MEGF11: variants seen among roughly 807,000 people sequenced by gnomAD.
MEGF11 encodes the protein multiple epidermal growth factor-like domains protein 11.
In MEGF11, 126 loss-of-function variants were observed where a neutral mutation model predicts 146.6. The ratio of observed to expected loss-of-function variants is 0.86; its 90% confidence interval spans 0.74 to 1.00. The LOEUF is 1.00. Ranked by LOEUF, MEGF11 falls within the 50% of genes least tolerant of loss-of-function variation. MEGF11 has a pLI of 0.00. For synonymous variants in MEGF11, 532 were observed against 583.4 expected, an observed-to-expected ratio of 0.91 and a Z score of 1.27; for missense variants, 1,509 against 1,521.2, an observed-to-expected ratio of 0.99 and a Z score of 0.13.
At chr15:65,989,258 C>G (rs2081961034) in intron 5 of MEGF11, among the ~76,000 whole-genome samples, 1 of 152,122 alleles carries the variant, frequency 6.6e-6, no homozygotes, top group African/African-American at 2.4e-5. Context: ...TGAGACCCAG[C>G]AAGCAGGAGG....
intron 5 of MEGF11, among the ~76,000 whole-genome samples, chr15:66,030,854 AC>A (rs1460701353): frequency 3.3e-5 from 5 of 152,238 alleles, no homozygotes; most frequent in African/African-American, 1.2e-4. Flanking sequence ...ATTACTGCTA[AC>A]GAGCATTACA....
At chr15:66,158,497 T>A (rs2089843467) in intron 1 of MEGF11, among the ~76,000 whole-genome samples, 1 of 152,204 alleles carries the variant, frequency 6.6e-6, no homozygotes, top group African/African-American at 2.4e-5. Context: ...CAGAAATGCC[T>A]GCTTGCCTTA....
intron 5 of MEGF11, among the ~76,000 whole-genome samples, chr15:66,019,675 G>A (rs569942890): frequency 6.6e-6 from 1 of 152,328 alleles, no homozygotes; most frequent in South Asian, 2.1e-4. Flanking sequence ...ATGGAGAATT[G>A]GGTTGGAATA....
chr15:65,928,790 G>T (rs2079466658), intron 12 of MEGF11, among the ~76,000 whole-genome samples: 1 of 152,008 alleles, frequency 6.6e-6, no homozygotes, highest in Non-Finnish European at 1.5e-5. Flanking sequence ...GGAGTATGAG[G>T]TTGAGAAGGA....
At chr15:66,029,631 C>T (rs1318332465) in intron 5 of MEGF11, among the ~76,000 whole-genome samples, 1 of 152,200 alleles carries the variant, frequency 6.6e-6, no homozygotes, top group Non-Finnish European at 1.5e-5. Context: ...GGCGCAGACC[C>T]AGAGATGTCA....
chr15:66,217,769 A>T (rs951717244), intron 1 of MEGF11, among the ~76,000 whole-genome samples: 1 of 152,234 alleles, frequency 6.6e-6, no homozygotes, highest in East Asian at 1.9e-4. Flanking sequence ...CCACACAGCC[A>T]GTCCCTGGCA....
At chr15:66,099,839 C>T (rs1040444371) in intron 4 of MEGF11, among the ~76,000 whole-genome samples, 7 of 152,196 alleles carry the variant, frequency 4.6e-5, no homozygotes, top group Admixed American at 6.5e-5. Context: ...GAATGGCCTG[C>T]GTTAGGCAGG....
intron 5 of MEGF11, among the ~76,000 whole-genome samples, chr15:66,017,211 T>C (rs1250102622): frequency 6.6e-6 from 1 of 152,186 alleles, no homozygotes; most frequent in Non-Finnish European, 1.5e-5. Flanking sequence ...GACGGCAGCC[T>C]ATCAGGCCTG....
intron 1 of MEGF11, among the ~76,000 whole-genome samples, chr15:66,164,265 C>G (rs1476765805): frequency 6.6e-6 from 1 of 152,136 alleles, no homozygotes; most frequent in Non-Finnish European, 1.5e-5. Flanking sequence ...GCCAGGCTGC[C>G]CTGGACTCAG....
chr15:66,216,686 A>G (rs1268723422), intron 1 of MEGF11, among the ~76,000 whole-genome samples: 1 of 152,178 alleles, frequency 6.6e-6, no homozygotes, highest in African/African-American at 2.4e-5. Context: ...TCAGAAGTAC[A>G]GAAATCTGGG....
rs528489368 is a variant in MEGF11, at chr15:66,112,223, T to C, written c.301+6863A>G. Among the ~76,000 whole-genome samples, 11 of 151,818 alleles carry C rather than the reference T, an allele frequency of 7.2e-5. 1 individual carries two copies. Among genetic ancestry groups the C allele is most frequent in the African/African-American group, 2.4e-4 (10 of 41,388 alleles). On this transcript the variant is annotated intron_variant, in intron 4 of 25. Transcript: ENST00000395614. ...AGATAAAACTATCTGAAAGAGACTA[T>C]AAAAGAAATATGTTTAAAATAATTA...
intron 5 of MEGF11, among the ~76,000 whole-genome samples, chr15:66,003,022 G>GCTCTGTCA (rs1212897880): frequency 6.7e-6 from 1 of 149,770 alleles, no homozygotes; most frequent in Non-Finnish European, 1.5e-5. Context: ...ATAGAGTCTA[G>GCTCTGTCA]CTCTGTCACC....
rs1375227330 is a variant in MEGF11, at chr15:65,929,746, C to G, written c.1546G>C (p.Gly516Arg). 6.4e-7 allele frequency: 1 copy of G among 1,552,360 alleles called. No individual in the cohort carries two copies. The highest frequency in any genetic ancestry group is 8.7e-7 in the Non-Finnish European group (1 of 1,147,418). ...GSCSCTPGWL[G>R]DTCELPCPDG... The stretch of plus-strand genomic sequence containing the variant: ...GGGCAAGGCAGCTCACAGGTGTCTC[C>G]CAGCCAGCCAGGAGTGCAGGAGCAG... Residue 516 changes from glycine (G) to arginine (R), a missense_variant, in exon 12 of 26, where the codon GGA becomes CGA. Gly to Arg is a moderately radical substitution (Grantham distance 125). Coordinates refer to ENST00000395614, the MANE Select transcript of MEGF11 (RefSeq NM_001385028.1).
chr15:65,933,391 A>T (rs547713877), intron 10 of MEGF11, among the ~76,000 whole-genome samples: 1 of 152,326 alleles, frequency 6.6e-6, no homozygotes, highest in African/African-American at 2.4e-5. Flanking sequence ...TAGTGTCCCA[A>T]ACCCTGATCT....
intron 1 of MEGF11, among the ~76,000 whole-genome samples, chr15:66,180,625 A>G (rs961089791): frequency 2.6e-5 from 4 of 152,066 alleles, no homozygotes; most frequent in Admixed American, 6.5e-5. Flanking sequence ...TGGCAGAAAA[A>G]AAGGAGCATG....
chr15:66,080,677 G>A lies in MEGF11; in HGVS notation c.394+13725C>T, dbSNP rs143542511. 3.7e-3 allele frequency among the ~76,000 whole-genome samples: 568 copies of A among 152,354 alleles called. 2 individuals carry two copies. The highest frequency in any genetic ancestry group is 6.2e-3 in the Non-Finnish European group (422 of 68,030). On this transcript the variant is annotated intron_variant, in intron 5 of 25. Coordinates refer to ENST00000395614, the MANE Select transcript of MEGF11 (RefSeq NM_001385028.1). ...GATGAGGCCAGTGGTCCTGGCTATT[G>A]AATTCCTTTTTGTTCAAAATTAGAA...
chr15:65,986,967 C>T (rs574927811), intron 5 of MEGF11, among the ~76,000 whole-genome samples: 13 of 151,364 alleles, frequency 8.6e-5, no homozygotes, highest in Non-Finnish European at 1.9e-4. Context: ...GCTAGATTGT[C>T]TCTGGGCAGC....
intron 1 of MEGF11, among the ~76,000 whole-genome samples, chr15:66,234,031 G>A (rs2092034069): frequency 6.7e-6 from 1 of 150,084 alleles, no homozygotes; most frequent in African/African-American, 2.4e-5. Flanking sequence ...CACCTCCCGG[G>A]TTCAAGCGAT....
At chr15:65,965,247 C>T in intron 8 of MEGF11, 127 bp from the exon 9 acceptor site, 1 of 688,434 alleles carries the variant, frequency 1.5e-6, no homozygotes, top group Non-Finnish European at 2.4e-6. Flanking sequence ...TGCTCACAGC[C>T]TCCTCCCCTT....
Sources: gnomAD v4.1 joint callset for allele counts (sites outside exome capture counted in the v4.1 genomes callset) on GRCh38, gnomAD v4.1.1 for gene constraint, MANE v1.5 for transcripts, NCBI Gene and HGNC (gene_info 2026-07-23, HGNC 2026-07-21) for gene names.